PCNX1: variants seen among roughly 807,000 people sequenced by gnomAD.
PCNX1 encodes the protein pecanex 1.
PCNX1 carries 78 observed loss-of-function variants against 242.2 expected under a neutral mutation model. That is an observed-to-expected ratio of 0.32 (90% CI 0.27 to 0.39). The LOEUF is 0.39. PCNX1 is among the 10% of genes least tolerant of loss of function. The pLI is 1.00. For synonymous variants in PCNX1, 1,024 were observed against 1,032.9 expected (o/e 0.99, Z 0.17); for missense variants, 2,581 against 2,856.5 (o/e 0.90, Z 2.20).
chr14:71,011,406 A>G, intron 9 of PCNX1, 86 bp from the exon 10 acceptor site: 2 of 777,152 alleles, frequency 2.6e-6, no homozygotes, highest in Non-Finnish European at 4.5e-6. Flanking sequence ...TGGAAAAGTG[A>G]AGATATGTGA....
intron 8 of PCNX1, among the ~76,000 whole-genome samples, chr14:71,005,969 C>T (rs2059647536): frequency 6.7e-6 from 1 of 148,636 alleles, no homozygotes; most frequent in Admixed American, 6.8e-5. Context: ...CTTGCCCAGG[C>T]TGGAGGGCGG....
At chr14:70,963,247 A>T (rs1187898959) in intron 3 of PCNX1, among the ~76,000 whole-genome samples, 1 of 152,130 alleles carries the variant, frequency 6.6e-6, no homozygotes, top group African/African-American at 2.4e-5. Context: ...CAAGATTTTC[A>T]AACACCTTAT....
intron 1 of PCNX1, among the ~76,000 whole-genome samples, chr14:70,942,479 T>A (rs1196210492): frequency 6.7e-6 from 1 of 149,894 alleles, no homozygotes; most frequent in Non-Finnish European, 1.5e-5. Context: ...TGACAGCAGA[T>A]GTGTGGGGGT....
In PCNX1 at chr14:71,109,803, C is replaced by A; in HGVS notation, c.6894C>A (p.His2298Gln). The A allele has an allele frequency of 6.2e-7, 1 of 1,613,628 alleles. No individual in the cohort carries two copies. The highest frequency in any genetic ancestry group is 8.5e-7 in the Non-Finnish European group (1 of 1,179,632). ...PQEGMEGHVI[H>Q]RWVPCSRDPG... is the part of the protein sequence containing the mutation. ...TTATTCTGAATCATTAGGTGATTCA[C>A]CGATGGGTGCCTTGCAGCAGAGATC... Residue 2298 changes from histidine to glutamine, a missense_variant, in exon 36 of 36, where the codon CAC becomes CAA. Coordinates refer to ENST00000304743, the MANE Select transcript of PCNX1 (RefSeq NM_014982.3).
chr14:71,095,657 C>G (rs559974047), intron 30 of PCNX1, among the ~76,000 whole-genome samples: 1 of 152,150 alleles, frequency 6.6e-6, no homozygotes, highest in East Asian at 1.9e-4. Context: ...TGTAATTTTG[C>G]TATATGAATT....
chr14:71,068,872 G>T (rs1212282446), intron 26 of PCNX1, among the ~76,000 whole-genome samples: 3 of 151,732 alleles, frequency 2.0e-5, no homozygotes, highest in Admixed American at 6.6e-5. Flanking sequence ...TGTGCCTATA[G>T]ATGCAAAAAT....
Position 70,908,911 on chromosome 14 carries a change from G to T in PCNX1, c.153+908G>T, listed in dbSNP as rs1425962026. ...GCGCAGTTTCTAAAGCACAGGTTAG[G>T]GTGGGGCGTTAGGGAAACTCGTGTG... On this transcript the variant is annotated intron_variant, in intron 1 of 35. Transcript: ENST00000304743. 2.0e-5 allele frequency among the ~76,000 whole-genome samples: 3 copies of T among 152,338 alleles called. No homozygotes were observed. In the South Asian group the frequency reaches 6.2e-4, roughly 32 times the overall value.
chr14:70,961,119 C>G (rs957702830), intron 2 of PCNX1, among the ~76,000 whole-genome samples: 2 of 152,084 alleles, frequency 1.3e-5, no homozygotes, highest in African/African-American at 4.8e-5. Context: ...CAATGCCATC[C>G]CCATCAACCT....
At chr14:70,950,404 C>T (rs2057729321) in intron 2 of PCNX1, among the ~76,000 whole-genome samples, 1 of 151,964 alleles carries the variant, frequency 6.6e-6, no homozygotes. Context: ...GTATTTTATC[C>T]TATTTTAAAT....
At chr14:70,927,611 G>A (rs775387093) in intron 1 of PCNX1, among the ~76,000 whole-genome samples, 1 of 150,170 alleles carries the variant, frequency 6.7e-6, no homozygotes, top group African/African-American at 2.5e-5. Flanking sequence ...TTTCTGGGAG[G>A]CAGTGTCTCA....
At chr14:71,067,568 T>C (rs543162103) in intron 26 of PCNX1, among the ~76,000 whole-genome samples, 223 of 152,318 alleles carry the variant, frequency 1.5e-3, no homozygotes, top group Non-Finnish European at 2.8e-3. Flanking sequence ...CCTAGCTTCA[T>C]TGATTTTTTT....
chr14:71,105,204 T>C, intron 32 of PCNX1, 31 bp from the exon 33 acceptor site: 1 of 1,536,944 alleles, frequency 6.5e-7, no homozygotes, highest in Non-Finnish European at 9.0e-7. Context: ...GATCTTGGAA[T>C]AATGCTTCCT....
intron 19 of PCNX1, among the ~76,000 whole-genome samples, chr14:71,040,769 T>G (rs2060681343): frequency 6.6e-6 from 1 of 152,114 alleles, no homozygotes; most frequent in Non-Finnish European, 1.5e-5. Context: ...AAATACTAGA[T>G]CTTGTTCATT....
intron 25 of PCNX1, among the ~76,000 whole-genome samples, chr14:71,056,029 T>C (rs2061173979): frequency 6.6e-6 from 1 of 152,210 alleles, no homozygotes. Flanking sequence ...CTTCAGTGGG[T>C]GACACCTTGC....
intron 2 of PCNX1, among the ~76,000 whole-genome samples, chr14:70,950,504 G>A (rs1462130048): frequency 6.6e-6 from 1 of 152,008 alleles, no homozygotes; most frequent in Non-Finnish European, 1.5e-5. Context: ...TTTCAGAGGT[G>A]GAATTACTAG....
At chr14:70,913,755 A>G (rs912246562) in intron 1 of PCNX1, among the ~76,000 whole-genome samples, 4 of 152,228 alleles carry the variant, frequency 2.6e-5, no homozygotes, top group Non-Finnish European at 5.9e-5. Flanking sequence ...TAGGGTGACT[A>G]AAACAGGGAT....
chr14:70,992,833 G>A lies in PCNX1; in HGVS notation c.2445-2908G>A, dbSNP rs186250050. Among the ~76,000 whole-genome samples the A allele has an allele frequency of 5.6e-3, 846 of 152,266 alleles. 3 individuals carry two copies. The highest frequency in any genetic ancestry group is 0.02 in the South Asian group (97 of 4,824). On this transcript the variant is annotated intron_variant, in intron 7 of 35. Coordinates refer to ENST00000304743, the MANE Select transcript of PCNX1 (RefSeq NM_014982.3). ...TTTAGGATAAAGTGCAGCCCTCCAG[G>A]AATATGTTTTCTAACAAGTTATGTG...
chr14:70,924,913 T>C (rs2056526807), intron 1 of PCNX1, among the ~76,000 whole-genome samples: 2 of 152,096 alleles, frequency 1.3e-5, no homozygotes, highest in African/African-American at 4.8e-5. Context: ...TATTCTTACA[T>C]TGTTCTGTTG....
At chr14:70,976,182 A>G (rs959034098) in intron 5 of PCNX1, among the ~76,000 whole-genome samples, 1 of 152,114 alleles carries the variant, frequency 6.6e-6, no homozygotes, top group African/African-American at 2.4e-5. Context: ...GTGTCAAGCA[A>G]TATATGTCAT....
Sources: allele counts gnomAD v4.1 joint callset (sites outside exome capture counted in the v4.1 genomes callset), GRCh38; gene constraint gnomAD v4.1.1; transcripts MANE v1.5; gene names NCBI Gene and HGNC (gene_info 2026-07-23, HGNC 2026-07-21).